Variants in LARP1 observed in about 807,000 individuals in gnomAD.
LARP1 encodes La ribonucleoprotein 1, translational regulator.
In LARP1, 36 loss-of-function variants were observed where a neutral mutation model predicts 122.7. The ratio of observed to expected loss-of-function variants is 0.29; its 90% confidence interval spans 0.22 to 0.39. The LOEUF is 0.39. Among genes scored for constraint, LARP1 ranks in the 10% least tolerant of loss-of-function variants. The probability of loss-of-function intolerance (pLI) is 1.00; values close to 1 mark genes in which losing one functional copy is unlikely to be tolerated. For missense variants in LARP1, 1,040 were observed against 1,403.6 expected, an observed-to-expected ratio of 0.74 and a Z score of 4.14; for synonymous variants, 539 against 528.7, an observed-to-expected ratio of 1.02 and a Z score of -0.27.
chr5:154,797,743 C>T (rs1262385635), intron 8 of LARP1, among the ~76,000 whole-genome samples: 1 of 150,170 alleles, frequency 6.7e-6, no homozygotes, highest in Non-Finnish European at 1.5e-5. Flanking sequence ...GGCTAGATTG[C>T]AGTGGTGTGA....
rs191601469 is a variant in LARP1 at position 154,747,067 on chromosome 5, G to T, written c.205+33937G>T. Among the ~76,000 whole-genome samples, 151 of 152,036 alleles carry T rather than the reference G, an allele frequency of 9.9e-4. 2 individuals carry two copies. The East Asian group carries it at 0.024, about 24-fold the overall frequency. Reference sequence around the variant, plus strand: ...ATTGCTTGAACCCGGGAGGCGGAGGGTGCAGTGAGCCGAGATCGTGCCACT... The same window carrying T: ...ATTGCTTGAACCCGGGAGGCGGAGGTTGCAGTGAGCCGAGATCGTGCCACT... On this transcript the variant is annotated intron_variant, in intron 1 of 18. Coordinates refer to the LARP1 transcript ENST00000336314.
At chr5:154,755,214 C>A (rs6580115), upstream of LARP1, among the ~76,000 whole-genome samples, 1 of 148,214 alleles carries the variant, frequency 6.7e-6, no homozygotes, top group Non-Finnish European at 1.5e-5. Context: ...GTGCGCGCGC[C>A]GTCCCGCCGC....
At chr5:154,797,057 T>C (rs1311334164) in intron 8 of LARP1, among the ~76,000 whole-genome samples, 1 of 152,158 alleles carries the variant, frequency 6.6e-6, no homozygotes, top group Non-Finnish European at 1.5e-5. Flanking sequence ...TTGGCCACTT[T>C]TAAAAGGAAT....
Position 154,796,129 on chromosome 5 carries a change from A to G in LARP1, c.1377+810A>G, listed in dbSNP as rs1188440158. Among the ~76,000 whole-genome samples, 5 of 124,358 alleles carry G rather than the reference A, an allele frequency of 4.0e-5. No homozygotes were observed. In the East Asian group the frequency reaches 1.0e-3, roughly 26 times the overall value. The allele number at this position is 124,358 out of a possible 152,430, so 81.6% of individuals were successfully genotyped here. A position where few individuals can be genotyped will look rare whatever the true frequency, so the allele number is the denominator to read the frequency against. Reference sequence around the variant, plus strand: ...TATATATAGTATATATATTATATATATTTTATATATTTATATATTATATAT... The same window carrying G: ...TATATATAGTATATATATTATATATGTTTTATATATTTATATATTATATAT... On this transcript the variant is annotated intron_variant, in intron 8 of 18. Transcript: ENST00000518297.
Position 154,802,919 on chromosome 5 carries a change from T to C in LARP1, c.2110-371T>C, listed in dbSNP as rs1758459123. Among the ~76,000 whole-genome samples, 1 of 152,180 alleles carries C rather than the reference T, an allele frequency of 6.6e-6. No individual in the cohort carries two copies. Among genetic ancestry groups the C allele is most frequent in the Non-Finnish European group, 1.5e-5 (1 of 68,038 alleles). On this transcript the variant is annotated intron_variant, in intron 11 of 18. Coordinates refer to ENST00000518297, the MANE Select transcript of LARP1 (RefSeq NM_033551.3). The surrounding 1 kb of genome is among the most constrained non-coding windows in gnomAD (Gnocchi z 5.1). ...TTGTAATAAGTAGCAGTGTGTTTCC[T>C]GGAAGTAAGGAGGAAGGAGAGTTGC... is the stretch of plus-strand genomic sequence containing the variant.
intron 8 of LARP1, among the ~76,000 whole-genome samples, chr5:154,797,218 G>GTTTTTTTT (rs1430709731): frequency 1.5e-5 from 1 of 66,204 alleles, no homozygotes; most frequent in African/African-American, 5.9e-5. Flanking sequence ...TTTTGTTGTT[G>GTTTTTTTT]TTGTTTTTTT....
chr5:154,688,653 C>CAA lies in LARP1; in HGVS notation c.-180+5638_-180+5639dup, dbSNP rs10677648. ...TGGGCGGCAGAGGAAGACTCCATCT[C>CAA]AAAAAAAAAAAAAAAAAAAAAAATT... On this transcript the variant is annotated intron_variant, in intron 1 of 18. Transcript: ENST00000687700. 4.0e-3 allele frequency among the ~76,000 whole-genome samples: 316 copies of CAA among 79,404 alleles called. 27 individuals are homozygous for CAA. Among genetic ancestry groups the CAA allele is most frequent in the Middle Eastern group, 0.016 (2 of 126 alleles). 52.1% of individuals were successfully genotyped at this position (79,404 alleles called of 152,430 possible).
At chr5:154,739,276 T>A (rs1007075038) in intron 1 of LARP1, among the ~76,000 whole-genome samples, 40 of 152,218 alleles carry the variant, frequency 2.6e-4, no homozygotes, top group Admixed American at 2.1e-3. Context: ...CACCTCGGCC[T>A]CCCAAAGTGC....
Position 154,799,976 on chromosome 5 carries a change from T to C in LARP1, c.1650T>C (p.Pro550=), listed in dbSNP as rs1758209952. ...CCAAGGGCCTGTCTGCCAGCCTGCC[T>C]GACCTGGATTCTGAGAACTGGATTG... ...TLPKGLSASL[P]DLDSENWIEV... The change falls in exon 10 of 19, where the codon CCT becomes CCC. Residue 550 remains proline, a synonymous_variant. Transcript: ENST00000518297. 1 of 1,614,080 alleles carries C rather than the reference T, an allele frequency of 6.2e-7. No homozygotes were observed. The highest frequency in any genetic ancestry group is 8.5e-7 in the Non-Finnish European group (1 of 1,180,042).
chr5:154,704,778 G>A (rs532210226), intron 1 of LARP1, among the ~76,000 whole-genome samples: 6 of 151,570 alleles, frequency 4.0e-5, no homozygotes, highest in Non-Finnish European at 8.8e-5. Flanking sequence ...AATCTATAAG[G>A]GGACTTAATA....
upstream of LARP1, among the ~76,000 whole-genome samples, chr5:154,754,644 G>A (rs999363580): frequency 6.6e-6 from 1 of 152,262 alleles, no homozygotes; most frequent in Non-Finnish European, 1.5e-5. Context: ...CTTCCTAGGC[G>A]CCGGCTGCCC....
At chr5:154,781,393 C>T (rs1756420452) in intron 1 of LARP1, among the ~76,000 whole-genome samples, 1 of 152,158 alleles carries the variant, frequency 6.6e-6, no homozygotes, top group Non-Finnish European at 1.5e-5. Flanking sequence ...GAGATCGAGA[C>T]CATCCTGGCT....
rs1374153924 is a variant in LARP1 at position 154,740,364 on chromosome 5, G to T, written c.205+27234G>T. Among the ~76,000 whole-genome samples, 3 of 144,532 alleles carry T rather than the reference G, an allele frequency of 2.1e-5. No homozygotes were observed. The East Asian group carries it at 6.0e-4, about 29-fold the overall frequency. The allele number at this position is 144,532 out of a possible 152,430, so 94.8% of individuals were successfully genotyped here. On this transcript the variant is annotated intron_variant, in intron 1 of 18. Coordinates refer to the LARP1 transcript ENST00000336314. The stretch of plus-strand genomic sequence containing the variant: ...GCCGAAATCGTGCCATTGCACTCCA[G>T]CCTGGGCAACAAGAGTGAAACTCTG...
chr5:154,782,769 G>T (rs958671670), intron 1 of LARP1, among the ~76,000 whole-genome samples: 1 of 152,184 alleles, frequency 6.6e-6, no homozygotes, highest in African/African-American at 2.4e-5. Context: ...GGAAATTTGG[G>T]TGGGAGGACT....
chr5:154,725,461 G>A (rs564593018), intron 1 of LARP1, among the ~76,000 whole-genome samples: 1 of 151,592 alleles, frequency 6.6e-6, no homozygotes, highest in South Asian at 2.1e-4. Context: ...GAGGTAGAAG[G>A]GTTGCTTGAG....
Position 154,804,205 on chromosome 5 carries a change from C to T in LARP1, c.2444C>T (p.Pro815Leu), listed in dbSNP as rs1186311651. The change falls in exon 14 of 19, where the codon CCT (proline) becomes CTT (leucine). Residue 815 changes from proline to leucine, a missense_variant. Transcript: ENST00000518297. ...KEGRTLDAKMPRKRKTRHSSN... is the reference protein window; with the variant it reads ...KEGRTLDAKMLRKRKTRHSSN... ...ACCCTGGGCTAACCTTTGCAGATGCCTCGAAAAAGAAAGACAAGACACAGT... is the reference window on the plus strand; with the variant it reads ...ACCCTGGGCTAACCTTTGCAGATGCTTCGAAAAAGAAAGACAAGACACAGT... 5 of 1,613,638 alleles carry T rather than the reference C, an allele frequency of 3.1e-6. No individual in the cohort carries two copies. The African/African-American group carries it at 6.7e-5, about 22-fold the overall frequency.
At chr5:154,789,973 G>C (rs756595097) in intron 1 of LARP1, among the ~76,000 whole-genome samples, 99 of 152,216 alleles carry the variant, frequency 6.5e-4, no homozygotes, top group Non-Finnish European at 4.4e-4. Context: ...GGAGCCCTGA[G>C]CTATAGTCCT....
At chr5:154,712,929 C>A in exon 1 of LARP1, 1 of 1,614,108 alleles carries the variant, frequency 6.2e-7, no homozygotes, top group Non-Finnish European at 8.5e-7. Context: ...TCACTCCATG[C>A]TTTGGAGGGT....
intron 1 of LARP1, among the ~76,000 whole-genome samples, chr5:154,698,038 A>T (rs1011259723): frequency 2.0e-5 from 3 of 151,092 alleles, no homozygotes; most frequent in Non-Finnish European, 4.4e-5. Flanking sequence ...TTTTTTTTTT[A>T]AATTACAAAA....
Sources: allele counts gnomAD v4.1 joint callset (sites outside exome capture counted in the v4.1 genomes callset), GRCh38; gene constraint gnomAD v4.1.1; non-coding constraint Gnocchi (gnomAD v3.1); transcripts MANE v1.5; gene names NCBI Gene and HGNC (gene_info 2026-07-23, HGNC 2026-07-21).